Variants in PCM1 observed in about 807,000 individuals in gnomAD.
The protein encoded by PCM1 is pericentriolar material 1, also known as pericentriolar material 1 protein.
In PCM1, 157 loss-of-function variants were observed where a neutral mutation model predicts 241.9. The ratio of observed to expected loss-of-function variants is 0.65; its 90% confidence interval spans 0.57 to 0.74. The LOEUF (loss-of-function observed/expected upper bound fraction) is 0.74. Among genes scored for constraint, PCM1 ranks in the 30% least tolerant of loss-of-function variants. PCM1 has a pLI of 0.00. For missense variants in PCM1, 3,478 were observed against 2,360.1 expected (o/e 1.47, Z -9.81); for synonymous variants, 1,085 against 784.9 (o/e 1.38, Z -6.39).
intron 38 of PCM1, among the ~76,000 whole-genome samples, chr8:18,027,292 A>G (rs2094304819): frequency 6.6e-6 from 1 of 152,132 alleles, no homozygotes; most frequent in Non-Finnish European, 1.5e-5. Context: ...GTATGCTTCC[A>G]TCTGCATTGA....
chr8:17,992,318 A>C (rs2084968661), intron 28 of PCM1, among the ~76,000 whole-genome samples: 1 of 152,186 alleles, frequency 6.6e-6, no homozygotes, highest in South Asian at 2.1e-4. Context: ...AGGAATCTTC[A>C]TACTGTTTTC....
chr8:17,960,220 G>A (rs893257595), intron 14 of PCM1, 55 bp downstream of exon 14: 35 of 1,553,316 alleles, frequency 2.3e-5, no homozygotes, highest in Non-Finnish European at 3.0e-5. Flanking sequence ...TGCCTGTTTT[G>A]GAGAAGGTGC....
intron 9 of PCM1, 84 bp downstream of exon 9, chr8:17,953,270 T>A (rs2066763459): frequency 3.0e-6 from 2 of 657,512 alleles, no homozygotes; most frequent in Non-Finnish European, 2.4e-6. Context: ...ATTTGGTGAA[T>A]GAACACATAG....
At chr8:17,953,960 C>G (rs1253229643) in intron 9 of PCM1, among the ~76,000 whole-genome samples, 1 of 152,202 alleles carries the variant, frequency 6.6e-6, no homozygotes, top group Non-Finnish European at 1.5e-5. Context: ...AAACCATTGT[C>G]TCTGGAGCCT....
chr8:18,011,478 T>C (rs1314883933), intron 33 of PCM1, 112 bp downstream of exon 33: 3 of 1,133,142 alleles, frequency 2.6e-6, no homozygotes, highest in Non-Finnish European at 3.6e-6. Context: ...AGAACTCTGA[T>C]TTTGAATTTC....
At chr8:17,986,902 C>G (rs1342740122) in intron 26 of PCM1, among the ~76,000 whole-genome samples, 1 of 151,750 alleles carries the variant, frequency 6.6e-6, no homozygotes, top group Admixed American at 6.6e-5. Context: ...CTGTTTCTGC[C>G]TTTTGTTGAA....
At position 18,028,080 on chromosome 8, in the gene PCM1, A is replaced by ATTAT. The variant is rs2094350746; in HGVS notation, c.*421_*424dup. 3 of 209,782 alleles carry ATTAT rather than the reference A, an allele frequency of 1.4e-5. No individual in the cohort carries two copies. Among genetic ancestry groups the ATTAT allele is most frequent in the Admixed American group, 5.9e-5 (1 of 16,956 alleles). 13.0% of individuals were successfully genotyped at this position (209,782 alleles called of 1,614,324 possible). A position where few individuals can be genotyped will look rare whatever the true frequency, so the allele number is the denominator to read the frequency against. On this transcript the variant is annotated 3_prime_UTR_variant, in exon 39 of 39. Coordinates refer to ENST00000325083, the MANE Select transcript of PCM1 (RefSeq NM_006197.4). ...GGTTAAGAGTTAGTTAGAGAAATAT[A>ATTAT]TTATTTGTTATAAAGCCCATCCATT...
intron 21 of PCM1, among the ~76,000 whole-genome samples, chr8:17,968,872 C>T (rs1209924011): frequency 6.6e-6 from 1 of 151,514 alleles, no homozygotes; most frequent in Non-Finnish European, 1.5e-5. Flanking sequence ...TTAATATTGG[C>T]AGCAAACATC....
chr8:18,004,327 G>C (rs2090627254), intron 29 of PCM1, among the ~76,000 whole-genome samples: 1 of 152,096 alleles, frequency 6.6e-6, no homozygotes, highest in Non-Finnish European at 1.5e-5. Context: ...AATATCAATG[G>C]TATTTTAGTT....
At chr8:17,983,311 G>T (rs746062574) in intron 24 of PCM1, 1 of 1,312,024 alleles carries the variant, frequency 7.6e-7, no homozygotes, top group South Asian at 1.2e-5. Flanking sequence ...CGTAGTTTTG[G>T]TGTCCACTTT....
chr8:17,925,092 C>T (rs948867729), intron 2 of PCM1: 11 of 152,214 alleles, frequency 7.2e-5, no homozygotes, highest in African/African-American at 2.4e-4. Flanking sequence ...AACTGGATAG[C>T]CTCTCTTTCC....
chr8:17,970,887 A>C (rs550800973), intron 22 of PCM1, among the ~76,000 whole-genome samples: 1 of 152,324 alleles, frequency 6.6e-6, no homozygotes, highest in East Asian at 1.9e-4. Context: ...AATTTCATGG[A>C]ATTAAATGAC....
At position 17,960,033 on chromosome 8, in the gene PCM1, G is replaced by T; in HGVS notation, c.2060G>T (p.Gly687Val). The T allele has an allele frequency of 1.9e-6, 3 of 1,612,792 alleles. No individual in the cohort carries two copies. Among genetic ancestry groups the T allele is most frequent in the Non-Finnish European group, 2.5e-6 (3 of 1,179,434 alleles). Residue 687 changes from glycine (G) to valine (V), a missense_variant, in exon 14 of 39, where the codon GGA (glycine) becomes GTA (valine). Physicochemically the swap from Gly to Val is moderately radical, Grantham distance 109. Transcript: ENST00000325083. ...AMVQDDDAAQ[G>V]VISASASNLD... ...TTTCAGGATGATGATGCAGCTCAAG[G>T]AGTTATCTCTGCCAGTGCATCAAAT...
chr8:17,949,217 A>C (rs1241881116), intron 7 of PCM1, among the ~76,000 whole-genome samples: 1 of 152,120 alleles, frequency 6.6e-6, no homozygotes. Flanking sequence ...GAGATTTTGC[A>C]GGGGCATGCT....
At chr8:17,999,941 A>G (rs1234005181) in intron 29 of PCM1, among the ~76,000 whole-genome samples, 1 of 152,124 alleles carries the variant, frequency 6.6e-6, no homozygotes, top group Non-Finnish European at 1.5e-5. Flanking sequence ...CTTTGTTCTC[A>G]TGGAGCTTGC....
At chr8:17,929,018 C>A (rs1003684234) in intron 2 of PCM1, among the ~76,000 whole-genome samples, 2 of 152,148 alleles carry the variant, frequency 1.3e-5, no homozygotes, top group African/African-American at 4.8e-5. Context: ...TCTGTGCTTG[C>A]TTCTCATCAT....
chr8:17,940,609 A>G (rs939186755), intron 6 of PCM1, among the ~76,000 whole-genome samples: 3 of 152,210 alleles, frequency 2.0e-5, no homozygotes, highest in African/African-American at 4.8e-5. Flanking sequence ...GCTCTATCCT[A>G]GTACTGGAGC....
In PCM1 at chr8:18,001,020, G is replaced by C. The variant is rs78089123; in HGVS notation, c.4828-5243G>C. 1.4e-3 allele frequency among the ~76,000 whole-genome samples: 208 copies of C among 152,280 alleles called. 1 individual carries two copies. Among genetic ancestry groups the C allele is most frequent in the African/African-American group, 4.8e-3 (199 of 41,558 alleles). The stretch of plus-strand genomic sequence containing the variant: ...CAGGCACAGCTGGAGATAGACATAA[G>C]GTAGATTATAGCATATAGCTGCTGC... On this transcript the variant is annotated intron_variant, in intron 29 of 38. Transcript: ENST00000325083.
rs192342690 is a variant in PCM1, at chr8:17,950,848, G to C, written c.1071+124G>C. The C allele has an allele frequency of 2.9e-4, 193 of 655,020 alleles. 2 individuals carry two copies. The Middle Eastern group carries it at 3.2e-3, about 11-fold the overall frequency. 40.6% of individuals were successfully genotyped at this position (655,020 alleles called of 1,614,324 possible). ...TGTTGAGCAGTGTAGGTTTCTGATTGGTGGGGTCCCCCCCACCTTCAAAAT... is the reference window on the plus strand; with the variant it reads ...TGTTGAGCAGTGTAGGTTTCTGATTCGTGGGGTCCCCCCCACCTTCAAAAT... On this transcript the variant is annotated intron_variant, in intron 8 of 38. Coordinates refer to ENST00000325083, the MANE Select transcript of PCM1 (RefSeq NM_006197.4).
Sources: allele counts gnomAD v4.1 joint callset (sites outside exome capture counted in the v4.1 genomes callset), GRCh38; gene constraint gnomAD v4.1.1; transcripts MANE v1.5; gene names NCBI Gene and HGNC (gene_info 2026-07-23, HGNC 2026-07-21).